The following EIF2AK3 variants were observed in gnomAD, a reference collection of about 807,000 sequenced individuals.
EIF2AK3 encodes the protein eukaryotic translation initiation factor 2-alpha kinase 3.
A neutral mutation model predicts 113.5 loss-of-function variants in EIF2AK3; 50 were observed. The ratio of observed to expected loss-of-function variants is 0.44; its 90% confidence interval spans 0.35 to 0.56. The LOEUF (loss-of-function observed/expected upper bound fraction) is 0.56, where lower values mean the gene tolerates loss of function less well. EIF2AK3 is among the 20% of genes least tolerant of loss of function. EIF2AK3 has a pLI of 0.00. For synonymous variants in EIF2AK3, 448 were observed against 495.4 expected, an observed-to-expected ratio of 0.90 and a Z score of 1.27; for missense variants, 1,185 against 1,378.0, an observed-to-expected ratio of 0.86 and a Z score of 2.22.
chr2:88,607,399 A>G (rs548765499), intron 2 of EIF2AK3, among the ~76,000 whole-genome samples: 2 of 152,344 alleles, frequency 1.3e-5, no homozygotes, highest in Admixed American at 6.5e-5. Context: ...CTTAGAACCT[A>G]AGCACATCTG....
rs1268382711 is a variant in EIF2AK3, at chr2:88,557,924, G to C, written c.3163C>G (p.Gln1055Glu). Residue 1055 changes from glutamine to glutamate, a missense_variant, in exon 17 of 17, where the codon CAA (glutamine) becomes GAA (glutamate). Gln to Glu is a conservative substitution (Grantham distance 29). Coordinates refer to ENST00000303236, the MANE Select transcript of EIF2AK3 (RefSeq NM_004836.7). ...QKYPCEYVMVQDMLSPSPMER... is the reference protein window; with the variant it reads ...QKYPCEYVMVEDMLSPSPMER... The stretch of plus-strand genomic sequence containing the variant: ...ATGGGGGATGGAGAGAGCATGTCTT[G>C]AACCATCACGTACTGAAAATATAAA... 5 of 1,613,974 alleles carry C rather than the reference G, an allele frequency of 3.1e-6. No individual in the cohort carries two copies. The South Asian group carries it at 5.5e-5, about 18-fold the overall frequency.
rs752812647 is a variant in EIF2AK3, at chr2:88,627,041, C to G, written c.234G>C (p.Leu78=). The G allele has an allele frequency of 3.1e-6, 5 of 1,600,164 alleles. No individual in the cohort carries two copies. The highest frequency in any genetic ancestry group is 8.5e-7 in the Non-Finnish European group (1 of 1,177,688). The part of the protein sequence containing the change: ...AEVTVEDAEA[L]PAAAGEQEPR... ...GCTCCTGCTCTCCCGCGGCTGCCGG[C>G]AGCGCCTCAGCGTCCTCCACAGTCA... The change falls in exon 1 of 17, where the codon CTG becomes CTC. Residue 78 remains leucine, a synonymous_variant. Transcript: ENST00000303236.
intron 11 of EIF2AK3, among the ~76,000 whole-genome samples, chr2:88,578,349 A>G (rs963564600): frequency 8.5e-5 from 13 of 152,110 alleles, no homozygotes; most frequent in African/African-American, 3.1e-4. Context: ...GGAGTTCGAG[A>G]CCAGCCTGGC....
chr2:88,574,542 C>T lies in EIF2AK3; in HGVS notation c.2817+124G>A, dbSNP rs575585330. 7.4e-5 allele frequency: 92 copies of T among 1,239,898 alleles called. No individual in the cohort carries two copies. In the South Asian group the frequency reaches 1.2e-3, roughly 16 times the overall value. The allele number at this position is 1,239,898 out of a possible 1,614,324, so 76.8% of individuals were successfully genotyped here. ...GCCCCTTCGAGGCTACTTTCTCAGA[C>T]CTCTGCTCTCAGATGCTTTTACTCT... On this transcript the variant is annotated intron_variant, in intron 13 of 16. Coordinates refer to ENST00000303236, the MANE Select transcript of EIF2AK3 (RefSeq NM_004836.7).
At chr2:88,596,653 A>T (rs1040840508) in intron 2 of EIF2AK3, among the ~76,000 whole-genome samples, 6 of 152,138 alleles carry the variant, frequency 3.9e-5, no homozygotes, top group African/African-American at 1.4e-4. Context: ...AAGCATACCC[A>T]TCATGTTTGA....
rs760895791 is a variant in EIF2AK3, at chr2:88,576,605, G to T, written c.1985C>A (p.Pro662Gln). The change falls in exon 12 of 17, where the codon CCA (proline) becomes CAA (glutamine). Residue 662 changes from proline (P) to glutamine (Q), a missense_variant. By Grantham distance (76) the Pro-to-Gln change is moderately conservative. This residue lies in a region of EIF2AK3 where 877 missense variants were observed against 1,024.2 expected (regional missense o/e 0.86). Coordinates refer to ENST00000303236, the MANE Select transcript of EIF2AK3 (RefSeq NM_004836.7). ...CATCTTTTCTTGCCACTTCTCTGGT[G>T]GTGCTTCGAGCCAGGCATTGAAATA... ...VRYFNAWLEA[P>Q]PEKWQEKMDE... 6.2e-7 allele frequency: 1 copy of T among 1,614,050 alleles called. No individual in the cohort carries two copies. The highest frequency in any genetic ancestry group is 1.1e-5 in the South Asian group (1 of 91,080).
intron 3 of EIF2AK3, among the ~76,000 whole-genome samples, chr2:88,594,848 A>C (rs967113661): frequency 2.7e-5 from 4 of 150,458 alleles, no homozygotes; most frequent in Middle Eastern, 3.4e-3. Flanking sequence ...AAAAAAAAAA[A>C]ACGAAAGTTA....
intron 8 of EIF2AK3, among the ~76,000 whole-genome samples, chr2:88,586,746 A>C (rs1277106935): frequency 6.6e-6 from 1 of 150,936 alleles, no homozygotes; most frequent in Non-Finnish European, 1.5e-5. Context: ...TGTGTACCAC[A>C]ATGCCTGGCT....
At chr2:88,614,656 C>T (rs1212599979) in intron 1 of EIF2AK3, among the ~76,000 whole-genome samples, 2 of 152,126 alleles carry the variant, frequency 1.3e-5, no homozygotes, top group Non-Finnish European at 2.9e-5. Context: ...ACTTCTGACC[C>T]TATGAGAACC....
At position 88,627,207 on chromosome 2, in the gene EIF2AK3, A is replaced by G. The variant is rs886056418; in HGVS notation, c.68T>C (p.Leu23Pro). 7.1e-7 allele frequency: 1 copy of G among 1,408,048 alleles called. No individual in the cohort carries two copies. 87.2% of individuals were successfully genotyped at this position (1,408,048 alleles called of 1,614,324 possible). ...CCCCGCGGCCACCGTCCTTGCCGCG[A>G]GCCCCAGCAGCAGCAGCAGCAGCAG... is the stretch of plus-strand genomic sequence containing the variant. ...ALLLLLLLLGLAARTVAAGRA... is the reference protein window; with the variant it reads ...ALLLLLLLLGPAARTVAAGRA... Residue 23 changes from leucine to proline, a missense_variant, in exon 1 of 17, where the codon CTC (leucine) becomes CCC (proline). Leu to Pro is a moderately conservative substitution (Grantham distance 98). Around this residue, in one of 3 missense-constraint regions of EIF2AK3, gnomAD observed 189 missense variants for 175.2 expected, o/e 1.08. Transcript: ENST00000303236.
At chr2:88,578,674 CCT>C (rs1395998916) in intron 11 of EIF2AK3, among the ~76,000 whole-genome samples, 6 of 149,768 alleles carry the variant, frequency 4.0e-5, no homozygotes, top group Admixed American at 2.7e-4. Flanking sequence ...GGTGCAAGAC[CCT>C]GTCTCAAAAA....
intron 11 of EIF2AK3, among the ~76,000 whole-genome samples, chr2:88,577,952 A>C (rs1414877505): frequency 6.6e-6 from 1 of 152,164 alleles, no homozygotes; most frequent in Non-Finnish European, 1.5e-5. Context: ...GAAGCTATTA[A>C]TATTTACTAA....
At chr2:88,594,636 T>C (rs1300706879) in intron 3 of EIF2AK3, among the ~76,000 whole-genome samples, 2 of 152,182 alleles carry the variant, frequency 1.3e-5, no homozygotes, top group African/African-American at 2.4e-5. Flanking sequence ...TGTTGTCAGA[T>C]AGATCTAAGT....
chr2:88,586,857 G>A (rs1674743942), intron 8 of EIF2AK3, among the ~76,000 whole-genome samples: 1 of 151,266 alleles, frequency 6.6e-6, no homozygotes, highest in South Asian at 2.1e-4. Flanking sequence ...CTCCCAAAGT[G>A]CTGGGATTAC....
rs1558646257 is a variant in EIF2AK3, at chr2:88,570,742, C to T, written c.2985+132G>A. ...CTGTGTCACTATTCCACTACTGGAA[C>T]ACTACTGCCAGTTTTCATAATTTTC... On this transcript the variant is annotated intron_variant, in intron 14 of 16. Transcript: ENST00000303236. The T allele has an allele frequency of 7.1e-6, 8 of 1,130,298 alleles. No homozygotes were observed. The South Asian group carries it at 9.0e-5, about 13-fold the overall frequency. The allele number at this position is 1,130,298 out of a possible 1,614,324, so 70.0% of individuals were successfully genotyped here. A position where few individuals can be genotyped will look rare whatever the true frequency, so the allele number is the denominator to read the frequency against.
intron 1 of EIF2AK3, among the ~76,000 whole-genome samples, chr2:88,621,570 C>T (rs918488163): frequency 2.6e-5 from 4 of 152,174 alleles, no homozygotes; most frequent in Non-Finnish European, 5.9e-5. Flanking sequence ...TTTGCCCAAA[C>T]TTGTGCCCTC....
chr2:88,568,909 G>A (rs1337562307), intron 14 of EIF2AK3, among the ~76,000 whole-genome samples: 2 of 151,292 alleles, frequency 1.3e-5, no homozygotes, highest in East Asian at 1.9e-4. Context: ...TTTTTTTTTC[G>A]AGATGGAGTC....
At chr2:88,598,796 A>C (rs1265402980) in intron 2 of EIF2AK3, among the ~76,000 whole-genome samples, 1 of 152,202 alleles carries the variant, frequency 6.6e-6, no homozygotes. Flanking sequence ...TAATGCTTAT[A>C]ACTTTTGTAG....
intron 2 of EIF2AK3, among the ~76,000 whole-genome samples, chr2:88,613,517 A>G (rs1350090374): frequency 6.6e-6 from 1 of 152,192 alleles, no homozygotes; most frequent in Non-Finnish European, 1.5e-5. Context: ...TAATGCCCCA[A>G]GTAATCCTAA....
Sources: allele counts gnomAD v4.1 joint callset (sites outside exome capture counted in the v4.1 genomes callset), GRCh38; gene constraint gnomAD v4.1.1; regional missense constraint gnomAD v4.1.1; transcripts MANE v1.5; gene names NCBI Gene and HGNC (gene_info 2026-07-23, HGNC 2026-07-21).